The following ERBB4 variants were observed in gnomAD, a reference collection of about 807,000 sequenced individuals.
The protein encoded by ERBB4 is erb-b2 receptor tyrosine kinase 4.
ERBB4 carries 42 observed loss-of-function variants against 158.0 expected under a neutral mutation model. That is an observed-to-expected ratio of 0.27 (90% CI 0.21 to 0.34). The LOEUF (loss-of-function observed/expected upper bound fraction) is 0.34, where lower values mean the gene tolerates loss of function less well. Among genes scored for constraint, ERBB4 ranks in the 10% least tolerant of loss-of-function variants. The probability of loss-of-function intolerance (pLI) is 1.00; values close to 1 mark genes in which losing one functional copy is unlikely to be tolerated. For missense variants in ERBB4, 1,333 were observed against 1,624.1 expected, an observed-to-expected ratio of 0.82 and a Z score of 3.08; for synonymous variants, 583 against 558.7, an observed-to-expected ratio of 1.04 and a Z score of -0.61.
At chr2:212,497,541 C>T (rs180714325) in intron 1 of ERBB4, among the ~76,000 whole-genome samples, 19 of 152,232 alleles carry the variant, frequency 1.2e-4, no homozygotes, top group African/African-American at 4.1e-4. Flanking sequence ...TAGCCAAATA[C>T]CTTTGTTAAT....
chr2:211,504,770 A>T (rs994548247), intron 20 of ERBB4, among the ~76,000 whole-genome samples: 1 of 152,130 alleles, frequency 6.6e-6, no homozygotes, highest in Non-Finnish European at 1.5e-5. Context: ...GCCAAAGAGA[A>T]CTTCTGGACA....
intron 2 of ERBB4, among the ~76,000 whole-genome samples, chr2:212,022,035 AG>A (rs1307191197): frequency 6.6e-6 from 1 of 152,196 alleles, no homozygotes; most frequent in Non-Finnish European, 1.5e-5. Flanking sequence ...GATGCTGGCA[AG>A]GTTTCAGAGA....
At chr2:212,380,752 C>T (rs1279473638) in intron 1 of ERBB4, among the ~76,000 whole-genome samples, 1 of 150,882 alleles carries the variant, frequency 6.6e-6, no homozygotes, top group Non-Finnish European at 1.5e-5. Flanking sequence ...CTACCTTGCA[C>T]CCTTTTTCAA....
chr2:211,804,973 G>A (rs929215754), intron 3 of ERBB4, among the ~76,000 whole-genome samples: 1 of 148,480 alleles, frequency 6.7e-6, no homozygotes, highest in African/African-American at 2.5e-5. Context: ...AGGCTGGAGT[G>A]CAACGGCATG....
chr2:211,966,325 T>C (rs2081310752), intron 2 of ERBB4, among the ~76,000 whole-genome samples: 2 of 152,136 alleles, frequency 1.3e-5, no homozygotes, highest in African/African-American at 2.4e-5. Context: ...CACTGCAACT[T>C]CTACCTCCCA....
At chr2:212,537,718 G>C (rs113537598) in intron 1 of ERBB4, among the ~76,000 whole-genome samples, 2,179 of 151,764 alleles carry the variant, frequency 0.014, 47 homozygotes, top group African/African-American at 0.05. Flanking sequence ...CCGACGGGAA[G>C]GCCGGGCTTC....
intron 25 of ERBB4, among the ~76,000 whole-genome samples, chr2:211,389,576 T>G: frequency 6.6e-6 from 1 of 152,212 alleles, no homozygotes; most frequent in Non-Finnish European, 1.5e-5. Flanking sequence ...TTATCTATTT[T>G]CTTCTTTAGT....
chr2:212,418,583 A>G (rs1032641780), intron 1 of ERBB4, among the ~76,000 whole-genome samples: 1 of 151,256 alleles, frequency 6.6e-6, no homozygotes, highest in African/African-American at 2.4e-5. Context: ...AAAATGCTTT[A>G]GTTCCCTTGA....
intron 2 of ERBB4, among the ~76,000 whole-genome samples, chr2:212,071,737 A>G (rs1202060224): frequency 1.3e-5 from 2 of 152,150 alleles, no homozygotes; most frequent in Non-Finnish European, 1.5e-5. Flanking sequence ...TATTACGATG[A>G]AACATACAAC....
intron 2 of ERBB4, among the ~76,000 whole-genome samples, chr2:212,075,560 G>T (rs1195266148): frequency 6.6e-6 from 1 of 151,766 alleles, no homozygotes; most frequent in Non-Finnish European, 1.5e-5. Flanking sequence ...GTGGGTCAGA[G>T]AAATTATCAA....
intron 1 of ERBB4, among the ~76,000 whole-genome samples, chr2:212,310,633 GTGTGTGTGTGTA>G (rs1198175669): frequency 2.0e-5 from 3 of 147,096 alleles, no homozygotes; most frequent in Non-Finnish European, 4.5e-5. Context: ...GTGTGTGTGT[GTGTGTGTGTGTA>G]TATATATATA....
chr2:211,466,349 TAA>T (rs58336651), intron 20 of ERBB4, among the ~76,000 whole-genome samples: 23,707 of 127,650 alleles, frequency 0.19, 2,073 homozygotes, highest in Admixed American at 0.2. Flanking sequence ...TTTTTTTTTT[TAA>T]AAAAAAAAAA....
chr2:211,753,180 T>A (rs1448827906), intron 4 of ERBB4, among the ~76,000 whole-genome samples: 1 of 152,174 alleles, frequency 6.6e-6, no homozygotes, highest in African/African-American at 2.4e-5. Context: ...TATGAATCAA[T>A]GCACTTACTA....
chr2:211,867,075 C>A, intron 3 of ERBB4, among the ~76,000 whole-genome samples: 1 of 135,420 alleles, frequency 7.4e-6, no homozygotes, highest in African/African-American at 2.7e-5. Flanking sequence ...CCAGAACTTT[C>A]AGTGTGATAT....
intron 16 of ERBB4, among the ~76,000 whole-genome samples, chr2:211,656,780 T>C (rs767437426): frequency 1.3e-5 from 2 of 152,226 alleles, no homozygotes; most frequent in Non-Finnish European, 2.9e-5. Flanking sequence ...TTGAGATCCA[T>C]CCATGGTGTT....
chr2:212,012,142 A>AATTGTCTTAT, intron 2 of ERBB4, among the ~76,000 whole-genome samples: 1 of 152,276 alleles, frequency 6.6e-6, no homozygotes, highest in African/African-American at 2.4e-5. Context: ...TTACTACTCA[A>AATTGTCTTAT]ATTGTCTTAT....
At chr2:211,410,958 A>C (rs1327084595) in intron 25 of ERBB4, among the ~76,000 whole-genome samples, 3 of 152,308 alleles carry the variant, frequency 2.0e-5, no homozygotes, top group African/African-American at 7.2e-5. Flanking sequence ...TGCCAGGCTG[A>C]AGTACAGTGG....
chr2:212,219,316 T>C (rs1295559488), intron 1 of ERBB4, among the ~76,000 whole-genome samples: 1 of 151,494 alleles, frequency 6.6e-6, no homozygotes, highest in Non-Finnish European at 1.5e-5. Context: ...GTATAATGTC[T>C]TTTTATAGCA....
At position 211,529,806 on chromosome 2, in the gene ERBB4, G is replaced by A. The variant is rs115537223; in HGVS notation, c.2487+32097C>T. Among the ~76,000 whole-genome samples the A allele has an allele frequency of 7.8e-3, 1,185 of 152,066 alleles. 6 individuals are homozygous for A. Among genetic ancestry groups the A allele is most frequent in the Non-Finnish European group, 0.014 (921 of 67,944 alleles). On this transcript the variant is annotated intron_variant, in intron 20 of 27. Coordinates refer to ENST00000342788, the MANE Select transcript of ERBB4 (RefSeq NM_005235.3). Reference sequence around the variant, plus strand: ...TTGATAAAATTCAAAATCCTTTCACGAATACCCTGAAAAACTAAGTGTAGA... The same window carrying A: ...TTGATAAAATTCAAAATCCTTTCACAAATACCCTGAAAAACTAAGTGTAGA...
Sources: allele counts gnomAD v4.1 joint callset (sites outside exome capture counted in the v4.1 genomes callset), GRCh38; gene constraint gnomAD v4.1.1; transcripts MANE v1.5; gene names NCBI Gene and HGNC (gene_info 2026-07-23, HGNC 2026-07-21).